DGKB: variants seen among roughly 807,000 people sequenced by gnomAD.
The protein encoded by DGKB is 90 kDa diacylglycerol kinase.
In DGKB, 67 loss-of-function variants were observed where a neutral mutation model predicts 114.3. The ratio of observed to expected loss-of-function variants is 0.59; its 90% CI spans 0.48 to 0.72. The LOEUF is 0.72. Among genes scored for constraint, DGKB ranks in the 30% least tolerant of loss-of-function variants. DGKB has a pLI of 0.00. For synonymous variants in DGKB, 398 were observed against 323.1 expected, an observed-to-expected ratio of 1.23 and a Z score of -2.49; for missense variants, 907 against 975.2, an observed-to-expected ratio of 0.93 and a Z score of 0.93.
At chr7:14,548,933 G>T (rs963955331) in intron 20 of DGKB, among the ~76,000 whole-genome samples, 3 of 151,972 alleles carry the variant, frequency 2.0e-5, no homozygotes, top group Non-Finnish European at 4.4e-5. Flanking sequence ...AGTTCTAGAT[G>T]AGTGATCTAG....
chr7:14,617,005 A>T (rs1170917052), intron 15 of DGKB, among the ~76,000 whole-genome samples: 2 of 151,750 alleles, frequency 1.3e-5, no homozygotes, highest in Non-Finnish European at 3.0e-5. Context: ...ACTTAATCAC[A>T]TAAAGGGGCA....
At chr7:14,392,995 G>GTTTTTGTTTTTTGTTTT in intron 21 of DGKB, among the ~76,000 whole-genome samples, 8 of 60,546 alleles carry the variant, frequency 1.3e-4, no homozygotes, top group African/African-American at 3.9e-4. Context: ...TTTTGTTTTT[G>GTTTTTGTTTTTTGTTTT]TTTTTTTTTT....
Position 14,145,359 on chromosome 7 carries a change from T to C in DGKB, c.*3772A>G, listed in dbSNP as rs1317499970. Reference sequence around the variant, plus strand: ...TTTAATAGAGATATTATTCAGTTATTTGAAAAATAACGGAGAACATGATTC... The same window carrying C: ...TTTAATAGAGATATTATTCAGTTATCTGAAAAATAACGGAGAACATGATTC... On this transcript the variant is annotated 3_prime_UTR_variant, in exon 26 of 26. Transcript: ENST00000402815. 6.6e-6 allele frequency: 1 copy of C among 152,204 alleles called. No homozygotes were observed. 9.4% of individuals were successfully genotyped at this position (152,204 alleles called of 1,614,324 possible).
chr7:14,481,630 A>C (rs1041761469), intron 20 of DGKB, among the ~76,000 whole-genome samples: 1 of 151,974 alleles, frequency 6.6e-6, no homozygotes, highest in Admixed American at 6.6e-5. Flanking sequence ...ATTAGAAATG[A>C]GTGTCATCAA....
Position 14,445,084 on chromosome 7 carries a change from A to G in DGKB, c.1835+33077T>C, listed in dbSNP as rs578081015. ...TACCACTATTGTTCCCACCTCGGTCACTTATATATTCTCATTCTTTCTTTG... is the reference window on the plus strand; with the variant it reads ...TACCACTATTGTTCCCACCTCGGTCGCTTATATATTCTCATTCTTTCTTTG... On this transcript the variant is annotated intron_variant, in intron 21 of 25. Coordinates refer to ENST00000402815, the MANE Select transcript of DGKB (RefSeq NM_001350709.2). Among the ~76,000 whole-genome samples the G allele has an allele frequency of 1.2e-4, 18 of 151,968 alleles. No individual in the cohort carries two copies. In the South Asian group the frequency reaches 3.7e-3, roughly 32 times the overall value.
chr7:14,546,730 C>T (rs896664639), intron 20 of DGKB, among the ~76,000 whole-genome samples: 1 of 152,126 alleles, frequency 6.6e-6, no homozygotes, highest in East Asian at 1.9e-4. Context: ...AGAATGGACT[C>T]AACTGACCTG....
intron 2 of DGKB, among the ~76,000 whole-genome samples, chr7:14,832,008 A>T (rs1175792630): frequency 1.3e-5 from 2 of 152,106 alleles, no homozygotes. Flanking sequence ...TAGTAGAACA[A>T]TAACTCAGTA....
At chr7:14,501,339 A>G (rs571468512) in intron 20 of DGKB, among the ~76,000 whole-genome samples, 1 of 151,674 alleles carries the variant, frequency 6.6e-6, no homozygotes, top group South Asian at 2.1e-4. Flanking sequence ...AAGAAATATC[A>G]TCAGGAGGAG....
At chr7:14,828,809 G>A (rs183724698) in intron 2 of DGKB, among the ~76,000 whole-genome samples, 59 of 152,162 alleles carry the variant, frequency 3.9e-4, no homozygotes, top group East Asian at 1.5e-3. Flanking sequence ...GGGCATCAGC[G>A]TCCACATTTT....
intron 16 of DGKB, among the ~76,000 whole-genome samples, chr7:14,608,919 G>T: frequency 6.6e-6 from 1 of 151,810 alleles, no homozygotes; most frequent in African/African-American, 2.4e-5. Flanking sequence ...GAAATCAGAG[G>T]TGACACAAAC....
chr7:14,568,717 C>T (rs1797951536), intron 20 of DGKB, among the ~76,000 whole-genome samples: 1 of 152,172 alleles, frequency 6.6e-6, no homozygotes, highest in African/African-American at 2.4e-5. Flanking sequence ...TACAAAGGGT[C>T]TATAACAATG....
At chr7:14,936,286 A>G (rs1311802400) in intron 1 of DGKB, among the ~76,000 whole-genome samples, 4 of 152,178 alleles carry the variant, frequency 2.6e-5, no homozygotes, top group African/African-American at 9.6e-5. Context: ...TTGCATTTGA[A>G]TGAAGAGAAA....
At chr7:14,456,747 T>C (rs1322816910) in intron 21 of DGKB, among the ~76,000 whole-genome samples, 1 of 152,118 alleles carries the variant, frequency 6.6e-6, no homozygotes, top group Non-Finnish European at 1.5e-5. Flanking sequence ...ATATAAAGAA[T>C]TAAATATATT....
At chr7:14,850,457 G>A (rs1481107741) in intron 1 of DGKB, among the ~76,000 whole-genome samples, 1 of 152,250 alleles carries the variant, frequency 6.6e-6, no homozygotes, top group East Asian at 1.9e-4. Context: ...AAACTCCTTA[G>A]AAAAGAGGGA....
At chr7:14,344,192 C>A (rs1322149543) in intron 22 of DGKB, among the ~76,000 whole-genome samples, 1 of 151,222 alleles carries the variant, frequency 6.6e-6, no homozygotes, top group Non-Finnish European at 1.5e-5. Context: ...TCCTTCACCT[C>A]TGTAATTATG....
intron 1 of DGKB, among the ~76,000 whole-genome samples, chr7:14,943,318 GCAT>G (rs1347449639): frequency 6.7e-6 from 1 of 149,856 alleles, no homozygotes; most frequent in Non-Finnish European, 1.5e-5. Flanking sequence ...CTAGTAGTAT[GCAT>G]AATATGCCAT....
chr7:14,863,389 A>G (rs1851265214), intron 1 of DGKB, among the ~76,000 whole-genome samples: 1 of 151,296 alleles, frequency 6.6e-6, no homozygotes, highest in South Asian at 2.1e-4. Flanking sequence ...GAAGGTAATA[A>G]TATTTATATT....
At chr7:14,227,155 T>G (rs1213801962) in intron 23 of DGKB, among the ~76,000 whole-genome samples, 1 of 152,062 alleles carries the variant, frequency 6.6e-6, no homozygotes, top group East Asian at 1.9e-4. Context: ...ATACAGGTGG[T>G]CCAAGCCTTG....
intron 21 of DGKB, among the ~76,000 whole-genome samples, chr7:14,476,973 A>G (rs1782277217): frequency 6.6e-6 from 1 of 151,974 alleles, no homozygotes; most frequent in South Asian, 2.1e-4. Flanking sequence ...GCTGGTCTCG[A>G]ACTCCCGACC....
Sources: gnomAD v4.1 joint callset for allele counts (sites outside exome capture counted in the v4.1 genomes callset) on GRCh38, gnomAD v4.1.1 for gene constraint, MANE v1.5 for transcripts, NCBI Gene and HGNC (gene_info 2026-07-23, HGNC 2026-07-21) for gene names.